AP1AR: variants seen among roughly 807,000 people sequenced by gnomAD.
AP1AR encodes AP-1 complex-associated regulatory protein.
A neutral mutation model predicts 46.3 loss-of-function variants in AP1AR; 29 were observed. The observed-to-expected ratio is 0.63, with a 90% CI of 0.47 to 0.85. The LOEUF (loss-of-function observed/expected upper bound fraction) is 0.85, where lower values mean the gene tolerates loss of function less well. Ranked by LOEUF, AP1AR falls within the 40% of genes least tolerant of loss-of-function variation. The pLI is 0.00. For missense variants in AP1AR, 357 were observed against 356.3 expected (o/e 1.00, Z -0.02); for synonymous variants, 122 against 122.9 (o/e 0.99, Z 0.05).
intron 4 of AP1AR, among the ~76,000 whole-genome samples, chr4:112,258,170 C>T (rs1250478422): frequency 6.6e-6 from 1 of 152,050 alleles, no homozygotes; most frequent in African/African-American, 2.4e-5. Context: ...TTAATAGTAA[C>T]TAAAACCTTA....
intron 1 of AP1AR, among the ~76,000 whole-genome samples, chr4:112,246,455 G>A (rs929975173): frequency 2.6e-5 from 4 of 152,140 alleles, no homozygotes; most frequent in Admixed American, 2.6e-4. Context: ...GCAGTGAGCT[G>A]ACATCACACC....
In AP1AR at chr4:112,242,457, A is replaced by AG. The variant is rs113692586; in HGVS notation, c.83+10283_83+10284insG. ...AGACTGGGTAATTTATAAAAGAAAA[A>AG]AAAAGCTTACTTGGCTCACAATTTT... On this transcript the variant is annotated intron_variant, in intron 1 of 9. Transcript: ENST00000274000. Among the ~76,000 whole-genome samples, 1,032 of 151,650 alleles carry AG rather than the reference A, an allele frequency of 6.8e-3. 9 individuals are homozygous for AG. The highest frequency in any genetic ancestry group is 0.023 in the African/African-American group (967 of 41,260).
chr4:112,259,135 A>G (rs1326220421), intron 4 of AP1AR, among the ~76,000 whole-genome samples: 2 of 152,198 alleles, frequency 1.3e-5, no homozygotes, highest in Non-Finnish European at 2.9e-5. Context: ...AATGGTTAAC[A>G]CTGTCCCATG....
intron 1 of AP1AR, among the ~76,000 whole-genome samples, chr4:112,240,379 AC>A (rs1725439923): frequency 6.6e-6 from 1 of 152,086 alleles, no homozygotes; most frequent in Admixed American, 6.6e-5. Context: ...TCATCATGGA[AC>A]CATCTGCTTT....
At chr4:112,244,460 A>C (rs1725639415) in intron 1 of AP1AR, among the ~76,000 whole-genome samples, 2 of 152,150 alleles carry the variant, frequency 1.3e-5, no homozygotes, top group South Asian at 4.1e-4. Context: ...AGTCAACTTG[A>C]AGGTGAAGCT....
chr4:112,234,901 C>T (rs1250362847), intron 1 of AP1AR, among the ~76,000 whole-genome samples: 1 of 152,082 alleles, frequency 6.6e-6, no homozygotes, highest in Non-Finnish European at 1.5e-5. Context: ...GATTGACATA[C>T]CCCTGAGAAA....
chr4:112,238,397 AT>A (rs35489629), intron 1 of AP1AR, among the ~76,000 whole-genome samples: 4,011 of 152,042 alleles, frequency 0.026, 181 homozygotes, highest in East Asian at 0.16. Context: ...TTGACTCACT[AT>A]TTTTTTTAAA....
chr4:112,264,773 A>G (rs1422717287), intron 6 of AP1AR, among the ~76,000 whole-genome samples: 2 of 152,136 alleles, frequency 1.3e-5, no homozygotes, highest in Non-Finnish European at 2.9e-5. Flanking sequence ...ATTTTTTAAT[A>G]ACACTATGAA....
chr4:112,257,767 T>C lies in AP1AR; in HGVS notation c.160-5T>C. 1 of 1,563,020 alleles carries C rather than the reference T, an allele frequency of 6.4e-7. No individual in the cohort carries two copies. The highest frequency in any genetic ancestry group is 2.3e-5 in the East Asian group (1 of 43,306). On this transcript the variant is annotated splice_region_variant and splice_polypyrimidine_tract_variant and intron_variant, in intron 3 of 9. Coordinates refer to ENST00000274000, the MANE Select transcript of AP1AR (RefSeq NM_018569.6). ...GTTTTAATTGTTTAATTAATTTTTG[T>C]ACAGGGGGAGAGCCCAGGAAGCAGT... is the stretch of plus-strand genomic sequence containing the variant.
chr4:112,272,181 G>A lies in AP1AR; in HGVS notation c.*3772G>A, dbSNP rs1726980561. 6.6e-6 allele frequency among the ~76,000 whole-genome samples: 1 copy of A among 152,126 alleles called. No individual in the cohort carries two copies. Among genetic ancestry groups the A allele is most frequent in the African/African-American group, 2.4e-5 (1 of 41,418 alleles). On this transcript the variant is annotated 3_prime_UTR_variant, in exon 10 of 10. Coordinates refer to ENST00000274000, the MANE Select transcript of AP1AR (RefSeq NM_018569.6). The stretch of plus-strand genomic sequence containing the variant: ...AAATGGGGTAGCTGGAAGGGGATGT[G>A]GAGTTATAGAAGGGTTTTTATTTAA...
At chr4:112,249,362 A>AC (rs1444648188) in intron 1 of AP1AR, among the ~76,000 whole-genome samples, 2 of 150,966 alleles carry the variant, frequency 1.3e-5, no homozygotes, top group African/African-American at 4.9e-5. Context: ...TTTTCTTTAA[A>AC]AAAAAAAAAT....
At chr4:112,238,215 A>G (rs987584837) in intron 1 of AP1AR, among the ~76,000 whole-genome samples, 5 of 152,230 alleles carry the variant, frequency 3.3e-5, no homozygotes, top group Admixed American at 6.5e-5. Flanking sequence ...CTCCATTCTC[A>G]GTATCTTACA....
At chr4:112,266,800 A>C in intron 9 of AP1AR, 84 bp downstream of exon 9, 1 of 1,311,138 alleles carries the variant, frequency 7.6e-7, no homozygotes, top group Non-Finnish European at 1.0e-6. Context: ...CTTTATTTAA[A>C]TGGAAATAAA....
chr4:112,265,843 C>T (rs1031760438), intron 8 of AP1AR, 36 bp downstream of exon 8: 6 of 1,314,220 alleles, frequency 4.6e-6, no homozygotes, highest in African/African-American at 2.9e-5. Context: ...ACTTTTTATG[C>T]CACAGTAAAC....
chr4:112,260,995 A>T, intron 5 of AP1AR, 133 bp downstream of exon 5: 2 of 488,374 alleles, frequency 4.1e-6, no homozygotes, highest in East Asian at 7.2e-5. Context: ...AGTTAAAAAA[A>T]ATCATTCCAG....
At position 112,233,119 on chromosome 4, in the gene AP1AR, A is replaced by G. The variant is rs536967991; in HGVS notation, c.83+945A>G. Among the ~76,000 whole-genome samples the G allele has an allele frequency of 7.2e-5, 11 of 152,316 alleles. No homozygotes were observed. The South Asian group carries it at 1.4e-3, about 20-fold the overall frequency. ...GACTGTTTTGCACTTTCTGAAACAG[A>G]TTGCTAATTTTTCATAATCTGTTCC... On this transcript the variant is annotated intron_variant, in intron 1 of 9. Transcript: ENST00000274000.
chr4:112,234,510 T>G (rs756935268), intron 1 of AP1AR, among the ~76,000 whole-genome samples: 6 of 152,314 alleles, frequency 3.9e-5, no homozygotes, highest in Non-Finnish European at 8.8e-5. Flanking sequence ...TTTAAGTCTA[T>G]AAACAGGATT....
chr4:112,255,860 T>C (rs1726178539), intron 3 of AP1AR, among the ~76,000 whole-genome samples: 1 of 152,204 alleles, frequency 6.6e-6, no homozygotes, highest in Admixed American at 6.5e-5. Flanking sequence ...GAACTTTAGT[T>C]TGTATGCTAA....
At position 112,260,872 on chromosome 4, in the gene AP1AR, C is replaced by G. The variant is rs577807701; in HGVS notation, c.282+10C>G. On this transcript the variant is annotated intron_variant, in intron 5 of 9. Coordinates refer to ENST00000274000, the MANE Select transcript of AP1AR (RefSeq NM_018569.6). ...GAAAATTCAAAAAGAGGTAAATTGT[C>G]TTTTATATTGCTTAAGTACATGTTA... 1.3e-6 allele frequency: 2 copies of G among 1,502,120 alleles called. No homozygotes were observed. Among genetic ancestry groups the G allele is most frequent in the East Asian group, 4.6e-5 (2 of 43,954 alleles). The allele number at this position is 1,502,120 out of a possible 1,614,324, so 93.0% of individuals were successfully genotyped here.
Sources: gnomAD v4.1 joint callset for allele counts (sites outside exome capture counted in the v4.1 genomes callset) on GRCh38, gnomAD v4.1.1 for gene constraint, MANE v1.5 for transcripts, NCBI Gene and HGNC (gene_info 2026-07-23, HGNC 2026-07-21) for gene names.